The following ALDH18A1 variants were observed in gnomAD, a reference collection of about 807,000 sequenced individuals.
The protein encoded by ALDH18A1 is aldehyde dehydrogenase 18 family member A1, also known as delta-1-pyrroline-5-carboxylate synthase.
ALDH18A1 carries 44 observed loss-of-function variants against 88.8 expected under a neutral mutation model. That is an observed-to-expected ratio of 0.50 (90% CI 0.39 to 0.64). ALDH18A1 has a LOEUF of 0.64. Among genes scored for constraint, ALDH18A1 ranks in the 30% least tolerant of loss-of-function variants. The probability of loss-of-function intolerance (pLI) is 0.00; values close to 1 mark genes in which losing one functional copy is unlikely to be tolerated. For missense variants in ALDH18A1, 782 were observed against 1,009.5 expected (o/e 0.77, Z 3.05); for synonymous variants, 331 against 372.1 (o/e 0.89, Z 1.27).
At chr10:95,621,513 G>A (rs2097852612) in intron 11 of ALDH18A1, among the ~76,000 whole-genome samples, 2 of 151,956 alleles carry the variant, frequency 1.3e-5, no homozygotes, top group South Asian at 4.2e-4. Context: ...GGTTTCACCA[G>A]GTTGGCCAGG....
intron 12 of ALDH18A1, 116 bp downstream of exon 12, chr10:95,620,915 T>C (rs2097851194): frequency 9.7e-7 from 1 of 1,033,440 alleles, no homozygotes; most frequent in Non-Finnish European, 1.4e-6. Context: ...GTTGTGCACA[T>C]GTACCCTAGA....
chr10:95,613,107 G>A (rs988029389), intron 15 of ALDH18A1, among the ~76,000 whole-genome samples: 2 of 152,338 alleles, frequency 1.3e-5, no homozygotes, highest in African/African-American at 2.4e-5. Context: ...ATGCATCCAT[G>A]CAGAGAGTTT....
At chr10:95,611,638 T>C (rs901672107) in intron 15 of ALDH18A1, among the ~76,000 whole-genome samples, 196 bp from the exon 16 acceptor site, 2 of 152,110 alleles carry the variant, frequency 1.3e-5, no homozygotes, top group African/African-American at 4.8e-5. Context: ...CTCAAGACAG[T>C]TGGAACAGGG....
chr10:95,607,226 T>A (rs926450179), intron 17 of ALDH18A1, among the ~76,000 whole-genome samples: 1 of 152,256 alleles, frequency 6.6e-6, no homozygotes, highest in African/African-American at 2.4e-5. Context: ...TGCTGTCTCT[T>A]TTATCAGTTT....
chr10:95,614,257 C>G, intron 13 of ALDH18A1, 96 bp from the exon 14 acceptor site: 1 of 1,277,726 alleles, frequency 7.8e-7, no homozygotes, highest in Non-Finnish European at 1.1e-6. Context: ...TCTGTACACT[C>G]TGAGAACTAA....
intron 2 of ALDH18A1, among the ~76,000 whole-genome samples, chr10:95,649,960 T>G (rs1472181742): frequency 6.6e-6 from 1 of 151,866 alleles, no homozygotes; most frequent in African/African-American, 2.4e-5. Flanking sequence ...CCTGGGAGGC[T>G]GACATAGGAG....
chr10:95,644,888 G>A (rs1205420517), intron 2 of ALDH18A1, among the ~76,000 whole-genome samples: 2 of 152,218 alleles, frequency 1.3e-5, no homozygotes, highest in Non-Finnish European at 2.9e-5. Context: ...AAGAAAGAAC[G>A]AGCAGGGATC....
intron 13 of ALDH18A1, among the ~76,000 whole-genome samples, chr10:95,615,566 G>A (rs551034107): frequency 2.0e-5 from 3 of 152,254 alleles, no homozygotes; most frequent in Non-Finnish European, 4.4e-5. Context: ...CACATCAATA[G>A]GAAGAAAAGG....
chr10:95,606,645 AC>A lies in ALDH18A1; in HGVS notation c.*116del. 6.2e-7 allele frequency: 1 copy of A among 1,607,390 alleles called. No individual in the cohort carries two copies. ...ACGGAGCCCAGAAGCATCCAGGTAC[AC>A]TTTCCAACAGGCAGACCCTACCAGG... On this transcript the variant is annotated 3_prime_UTR_variant, in exon 18 of 18. Transcript: ENST00000371224.
chr10:95,633,814 T>TC (rs1255026282), intron 5 of ALDH18A1, among the ~76,000 whole-genome samples, 165 bp from the exon 6 acceptor site: 2 of 132,002 alleles, frequency 1.5e-5, no homozygotes, highest in Non-Finnish European at 1.7e-5. Context: ...ATCCAATTCT[T>TC]TTTTTTTTTT....
chr10:95,616,618 C>A lies in ALDH18A1; in HGVS notation c.1468-4G>T. ...TTGCGATAGCCAAAGCTGCCACCTG[C>A]AGATCAAAGGGAGAGCAGTGGATCA... On this transcript the variant is annotated splice_polypyrimidine_tract_variant and splice_region_variant and intron_variant, in intron 12 of 17. Coordinates refer to ENST00000371224, the MANE Select transcript of ALDH18A1 (RefSeq NM_002860.4). The A allele has an allele frequency of 6.2e-7, 1 of 1,604,470 alleles. No homozygotes were observed. Among genetic ancestry groups the A allele is most frequent in the Non-Finnish European group, 8.5e-7 (1 of 1,175,476 alleles).
rs2097861201 is a variant in ALDH18A1, at chr10:95,626,901, C to G, written c.1079-125G>C. On this transcript the variant is annotated intron_variant, in intron 9 of 17. Coordinates refer to ENST00000371224, the MANE Select transcript of ALDH18A1 (RefSeq NM_002860.4). ...CGCCCACAGAAGGAACACATGATGT[C>G]TTGGTATGCTTGTTTCACACAGGGG... The G allele has an allele frequency of 5.4e-6, 5 of 922,120 alleles. No homozygotes were observed. The Admixed American group carries it at 9.9e-5, about 18-fold the overall frequency. The allele number at this position is 922,120 out of a possible 1,614,324, so 57.1% of individuals were successfully genotyped here.
intron 7 of ALDH18A1, among the ~76,000 whole-genome samples, chr10:95,631,232 GAGA>G (rs1681831935): frequency 6.6e-6 from 1 of 152,122 alleles, no homozygotes; most frequent in African/African-American, 2.4e-5. Flanking sequence ...GGGAACAGCA[GAGA>G]AGAACAGAGT....
chr10:95,609,590 T>G (rs2097829263), intron 17 of ALDH18A1, among the ~76,000 whole-genome samples: 1 of 152,302 alleles, frequency 6.6e-6, no homozygotes, highest in East Asian at 1.9e-4. Flanking sequence ...ATGCCAGCTG[T>G]GGGACTTTGG....
At chr10:95,632,185 A>G (rs1235578248) in intron 7 of ALDH18A1, among the ~76,000 whole-genome samples, 1 of 152,194 alleles carries the variant, frequency 6.6e-6, no homozygotes, top group Non-Finnish European at 1.5e-5. Context: ...TAATCCATAG[A>G]AACAGAAAAT....
rs542046861 is a variant in ALDH18A1, at chr10:95,633,607, G to A, written c.601C>T (p.Arg201Trp). ...TCATGAAGTGTTCCATTGAGGTTCCGGCGCTTCTGCTCATCATGGAAATCC... is the reference window on the plus strand; with the variant it reads ...TCATGAAGTGTTCCATTGAGGTTCCAGCGCTTCTGCTCATCATGGAAATCC... ...NLDFHDEQKR[R>W]NLNGTLHELL... Residue 201 changes from arginine (R) to tryptophan (W), a missense_variant, in exon 6 of 18, where the codon CGG (arginine) becomes TGG (tryptophan). Around this residue, in one of 3 missense-constraint regions of ALDH18A1, gnomAD observed 132 missense variants for 255.5 expected, o/e 0.52. Transcript: ENST00000371224. 7 of 1,613,836 alleles carry A rather than the reference G, an allele frequency of 4.3e-6. No homozygotes were observed. Among genetic ancestry groups the A allele is most frequent in the East Asian group, 4.5e-5 (2 of 44,896 alleles).
chr10:95,656,196 C>T (rs1001858046), intron 1 of ALDH18A1, among the ~76,000 whole-genome samples: 2 of 152,144 alleles, frequency 1.3e-5, no homozygotes, highest in Non-Finnish European at 1.5e-5. Context: ...CTGCCACCAC[C>T]GCCACCCACG....
In ALDH18A1 at chr10:95,621,187, G is replaced by A. The variant is rs775855406; in HGVS notation, c.1311C>T (p.Ala437=). The A allele has an allele frequency of 6.2e-7, 1 of 1,614,094 alleles. No individual in the cohort carries two copies. Among genetic ancestry groups the A allele is most frequent in the South Asian group, 1.1e-5 (1 of 91,076 alleles). The change falls in exon 12 of 18, where the codon GCC becomes GCT. Residue 437 remains alanine, a synonymous_variant. Coordinates refer to ENST00000371224, the MANE Select transcript of ALDH18A1 (RefSeq NM_002860.4). ...SLSTSKLNSL[A]IGLRQIAASS... ...AGGCTGCGATCTGTCGCAGACCGAT[G>A]GCCAGGCTGTTCAATTTGGATGTGG...
At chr10:95,635,000 T>C (rs2097877897) in intron 5 of ALDH18A1, among the ~76,000 whole-genome samples, 1 of 152,046 alleles carries the variant, frequency 6.6e-6, no homozygotes, top group Non-Finnish European at 1.5e-5. Flanking sequence ...AATATAGCAA[T>C]AAAACAGTAG....
Sources: allele counts gnomAD v4.1 joint callset (sites outside exome capture counted in the v4.1 genomes callset), GRCh38; gene constraint gnomAD v4.1.1; regional missense constraint gnomAD v4.1.1; transcripts MANE v1.5; gene names NCBI Gene and HGNC (gene_info 2026-07-23, HGNC 2026-07-21).